The following DCDC1 variants were observed in gnomAD, a reference collection of about 807,000 sequenced individuals.
DCDC1 encodes the protein doublecortin domain-containing protein 1.
In DCDC1, 200 loss-of-function variants were observed where a neutral mutation model predicts 178.3. The observed-to-expected ratio is 1.12, with a 90% CI of 1.00 to 1.26. The LOEUF (loss-of-function observed/expected upper bound fraction) is 1.26, where lower values mean the gene tolerates loss of function less well. Ranked by LOEUF, DCDC1 falls within the 50% of genes most tolerant of loss-of-function variation. DCDC1 has a pLI of 0.00. For synonymous variants in DCDC1, 690 were observed against 604.8 expected (o/e 1.14, Z -2.07); for missense variants, 1,983 against 1,749.2 (o/e 1.13, Z -2.38).
intron 1 of DCDC1, among the ~76,000 whole-genome samples, chr11:31,338,286 A>G (rs1358888567): frequency 6.6e-6 from 1 of 152,154 alleles, no homozygotes; most frequent in Non-Finnish European, 1.5e-5. Flanking sequence ...GATGTGGCAA[A>G]TGCATTAACT....
At chr11:31,340,976 T>C (rs1318422741) in intron 1 of DCDC1, among the ~76,000 whole-genome samples, 1 of 152,104 alleles carries the variant, frequency 6.6e-6, no homozygotes, top group East Asian at 1.9e-4. Flanking sequence ...TCCATGGAAC[T>C]TGAGGTATCT....
chr11:31,213,992 G>A (rs1973204218), intron 9 of DCDC1, among the ~76,000 whole-genome samples: 1 of 151,932 alleles, frequency 6.6e-6, no homozygotes, highest in Non-Finnish European at 1.5e-5. Context: ...GAATAGTTTT[G>A]GTGGGGGGGA....
chr11:31,114,600 C>G (rs372466992), intron 11 of DCDC1, among the ~76,000 whole-genome samples: 1 of 152,054 alleles, frequency 6.6e-6, no homozygotes, highest in East Asian at 1.9e-4. Flanking sequence ...GAGTACTACA[C>G]GCAGAGAGAG....
At chr11:31,095,621 T>C (rs568058200) in intron 15 of DCDC1, among the ~76,000 whole-genome samples, 2 of 152,200 alleles carry the variant, frequency 1.3e-5, no homozygotes, top group South Asian at 2.1e-4. Context: ...GCTGAGACTT[T>C]AGAGATAGTT....
At chr11:31,157,744 T>A (rs1965876624) in intron 9 of DCDC1, among the ~76,000 whole-genome samples, 1 of 151,960 alleles carries the variant, frequency 6.6e-6, no homozygotes, top group South Asian at 2.1e-4. Context: ...AGATGAAAAA[T>A]GTCTAGAAAT....
intron 21 of DCDC1, among the ~76,000 whole-genome samples, chr11:30,942,831 A>T (rs1947750551): frequency 6.6e-6 from 1 of 152,210 alleles, no homozygotes; most frequent in Non-Finnish European, 1.5e-5. Flanking sequence ...ACAGAAACCC[A>T]ATTAAATGAG....
At chr11:30,882,266 A>G (rs1041729533) in intron 36 of DCDC1, 2 of 152,206 alleles carry the variant, frequency 1.3e-5, no homozygotes, top group Non-Finnish European at 2.9e-5. Context: ...AGACAAGAAG[A>G]GTGATGGGGC....
chr11:31,179,731 C>G (rs1254972518), intron 9 of DCDC1, among the ~76,000 whole-genome samples: 1 of 152,164 alleles, frequency 6.6e-6, no homozygotes, highest in African/African-American at 2.4e-5. Context: ...TACCAATTCT[C>G]AAACTCTTCC....
chr11:30,894,881 G>A (rs1209536837), intron 34 of DCDC1, among the ~76,000 whole-genome samples: 3 of 152,090 alleles, frequency 2.0e-5, no homozygotes, highest in Admixed American at 1.3e-4. Flanking sequence ...CTGCGAGCAC[G>A]ATTAGTTTCT....
chr11:31,309,747 TAAC>T (rs1948661347), intron 3 of DCDC1, among the ~76,000 whole-genome samples: 2 of 152,328 alleles, frequency 1.3e-5, no homozygotes, highest in East Asian at 1.9e-4. Flanking sequence ...ATTTTTAACA[TAAC>T]AATCCATTAT....
chr11:31,077,562 G>C (rs78831342), intron 18 of DCDC1, among the ~76,000 whole-genome samples: 1 of 152,200 alleles, frequency 6.6e-6, no homozygotes, highest in Admixed American at 6.5e-5. Flanking sequence ...GATACTGATA[G>C]TTTCCCAAAG....
intron 9 of DCDC1, among the ~76,000 whole-genome samples, chr11:31,225,636 T>C (rs1218396997): frequency 1.3e-5 from 2 of 149,692 alleles, no homozygotes; most frequent in Non-Finnish European, 3.0e-5. Context: ...ATATAAAATA[T>C]GACTGGAGAT....
At chr11:30,918,857 C>T (rs1946045112) in intron 25 of DCDC1, among the ~76,000 whole-genome samples, 2 of 152,144 alleles carry the variant, frequency 1.3e-5, no homozygotes, top group Non-Finnish European at 2.9e-5. Flanking sequence ...TCCTGCAAAG[C>T]ACAGAGTAGG....
intron 2 of DCDC1, among the ~76,000 whole-genome samples, chr11:31,330,949 T>C (rs1373904784): frequency 6.6e-6 from 1 of 152,212 alleles, no homozygotes; most frequent in African/African-American, 2.4e-5. Flanking sequence ...GGTAGCTTGA[T>C]GGGGATGCCA....
intron 23 of DCDC1, 65 bp from the exon 24 acceptor site, chr11:30,922,703 A>T (rs555947289): frequency 7.2e-7 from 1 of 1,393,010 alleles, no homozygotes; most frequent in East Asian, 3.0e-5. Context: ...GTAATAATCT[A>T]AACTGGAAAC....
At position 31,149,230 on chromosome 11, in the gene DCDC1, G is replaced by A. The variant is rs948145292; in HGVS notation, c.1222-11446C>T. On this transcript the variant is annotated intron_variant, in intron 9 of 38. Coordinates refer to ENST00000684477, the MANE Select transcript of DCDC1 (RefSeq NM_001387274.1). ...CAATGACTTCTTTTCCTTTGGGTAA[G>A]TACCCAGTAGTAGTGAGAGGTGAAG... is the stretch of plus-strand genomic sequence containing the variant. Among the ~76,000 whole-genome samples, 4 of 152,170 alleles carry A rather than the reference G, an allele frequency of 2.6e-5. 1 individual carries two copies.
chr11:30,943,989 G>A (rs986481918), intron 21 of DCDC1: 7 of 242,880 alleles, frequency 2.9e-5, no homozygotes, highest in South Asian at 1.6e-4. Context: ...TCTTGTCAAG[G>A]AACTAACAGG....
intron 1 of DCDC1, among the ~76,000 whole-genome samples, chr11:31,335,987 AT>A (rs1950254362): frequency 2.0e-5 from 3 of 152,240 alleles, no homozygotes. Flanking sequence ...TTCACGCATT[AT>A]TCGTTGACAT....
chr11:30,891,110 T>C (rs751489950), intron 36 of DCDC1, among the ~76,000 whole-genome samples: 1 of 152,222 alleles, frequency 6.6e-6, no homozygotes, highest in Non-Finnish European at 1.5e-5. Context: ...ACCTTGGATA[T>C]AGTTTTTTAA....
Sources: gnomAD v4.1 joint callset for allele counts (sites outside exome capture counted in the v4.1 genomes callset) on GRCh38, gnomAD v4.1.1 for gene constraint, MANE v1.5 for transcripts, NCBI Gene and HGNC (gene_info 2026-07-23, HGNC 2026-07-21) for gene names.